GRK5: variants seen among roughly 807,000 people sequenced by gnomAD.
The protein encoded by GRK5 is g protein-coupled receptor kinase GRK5.
Under a neutral mutation model 78.4 loss-of-function variants are expected in GRK5, and 40 were observed. The ratio of observed to expected loss-of-function variants is 0.51; its 90% CI spans 0.40 to 0.66. The LOEUF (loss-of-function observed/expected upper bound fraction) is 0.66. Ranked by LOEUF, GRK5 falls within the 30% of genes least tolerant of loss-of-function variation. The pLI is 0.00. For synonymous variants in GRK5, 289 were observed against 296.8 expected (o/e 0.97, Z 0.27); for missense variants, 598 against 759.9 (o/e 0.79, Z 2.50).
At chr10:119,392,814 G>A (rs1357854284) in intron 3 of GRK5, among the ~76,000 whole-genome samples, 1 of 152,194 alleles carries the variant, frequency 6.6e-6, no homozygotes, top group East Asian at 1.9e-4. Flanking sequence ...TGGAGGTCAC[G>A]AGGGCACTCT....
At chr10:119,411,533 G>C (rs184201206) in intron 4 of GRK5, among the ~76,000 whole-genome samples, 301 of 152,290 alleles carry the variant, frequency 2.0e-3, no homozygotes, top group Non-Finnish European at 3.5e-3. Context: ...TTTCTTTGAG[G>C]GGGGACTGAA....
intron 11 of GRK5, 40 bp downstream of exon 11, chr10:119,442,128 C>A: frequency 2.6e-6 from 4 of 1,539,010 alleles, no homozygotes; most frequent in Non-Finnish European, 2.7e-6. Context: ...CCTTGAGACC[C>A]ACCACCTGCT....
rs1851236949 is a variant in GRK5, at chr10:119,354,483, C to T, written c.149-26332C>T. Among the ~76,000 whole-genome samples the T allele has an allele frequency of 2.0e-5, 3 of 149,186 alleles. No homozygotes were observed. The South Asian group carries it at 6.3e-4, about 32-fold the overall frequency. ...GTGGCGCAATCATGCCTCACTGCAG[C>T]CTCGACCTTCCAGGCTCAATTGACC... On this transcript the variant is annotated intron_variant, in intron 2 of 15. Transcript: ENST00000392870.
chr10:119,454,683 T>A (rs1853367800), intron 15 of GRK5, among the ~76,000 whole-genome samples: 1 of 152,164 alleles, frequency 6.6e-6, no homozygotes, highest in Non-Finnish European at 1.5e-5. Flanking sequence ...AGGGGAAGAC[T>A]GAGAATTCCA....
intron 3 of GRK5, among the ~76,000 whole-genome samples, chr10:119,389,750 G>GGA (rs1851856777): frequency 6.6e-6 from 1 of 152,036 alleles, no homozygotes; most frequent in Non-Finnish European, 1.5e-5. Context: ...ACTGTGGACT[G>GGA]CCATGTTTCC....
At chr10:119,427,617 CCAT>C (rs1180981853) in intron 6 of GRK5, among the ~76,000 whole-genome samples, 1 of 151,410 alleles carries the variant, frequency 6.6e-6, no homozygotes, top group African/African-American at 2.4e-5. Flanking sequence ...AGCATCACTG[CCAT>C]CATCAGCATC....
At chr10:119,331,265 G>A (rs536859609) in intron 2 of GRK5, among the ~76,000 whole-genome samples, 7 of 152,338 alleles carry the variant, frequency 4.6e-5, no homozygotes, top group Non-Finnish European at 8.8e-5. Context: ...CTGTTCTGCC[G>A]GAGGGTATTG....
At chr10:119,315,184 C>T (rs1467957668) in intron 1 of GRK5, among the ~76,000 whole-genome samples, 2 of 152,180 alleles carry the variant, frequency 1.3e-5, no homozygotes, top group African/African-American at 4.8e-5. Context: ...GGCCTGTCTC[C>T]CTTTCACAGT....
chr10:119,361,436 C>T (rs1269702959), intron 2 of GRK5, among the ~76,000 whole-genome samples: 1 of 152,230 alleles, frequency 6.6e-6, no homozygotes, highest in Non-Finnish European at 1.5e-5. Context: ...CTTCCGAGAA[C>T]CTGCCGCGTA....
intron 8 of GRK5, among the ~76,000 whole-genome samples, chr10:119,435,936 T>C (rs1372448079): frequency 5.9e-5 from 9 of 152,212 alleles, no homozygotes; most frequent in Admixed American, 3.9e-4. Flanking sequence ...AGGCACTTCT[T>C]ACATGGCGGT....
At chr10:119,251,260 G>C (rs1849194677) in intron 1 of GRK5, among the ~76,000 whole-genome samples, 1 of 152,208 alleles carries the variant, frequency 6.6e-6, no homozygotes, top group Non-Finnish European at 1.5e-5. Context: ...GGAACAAAGA[G>C]CCATGATTTC....
intron 1 of GRK5, among the ~76,000 whole-genome samples, chr10:119,288,396 G>T (rs1177145539): frequency 6.6e-6 from 1 of 152,218 alleles, no homozygotes; most frequent in Non-Finnish European, 1.5e-5. Context: ...TCTAGTGTCT[G>T]GTTCAGGGTC....
At chr10:119,317,751 C>T (rs933636192) in intron 1 of GRK5, among the ~76,000 whole-genome samples, 5 of 151,696 alleles carry the variant, frequency 3.3e-5, no homozygotes, top group Non-Finnish European at 7.4e-5. Flanking sequence ...CTTTTCCAAG[C>T]GTGTGTGTGT....
chr10:119,237,062 CTTTTT>C (rs11393484), intron 1 of GRK5, among the ~76,000 whole-genome samples: 1 of 119,150 alleles, frequency 8.4e-6, no homozygotes, highest in Admixed American at 9.9e-5. Context: ...TTTGCCTTAC[CTTTTT>C]TTTTTTTTTT....
At chr10:119,296,440 C>T (rs1850083098) in intron 1 of GRK5, among the ~76,000 whole-genome samples, 1 of 152,158 alleles carries the variant, frequency 6.6e-6, no homozygotes, top group African/African-American at 2.4e-5. Flanking sequence ...GGGAGAGGAA[C>T]CACTGGCTGG....
rs947418046 is a variant in GRK5, at chr10:119,452,614, G to A, written c.1405-57G>A. 33 of 1,606,632 alleles carry A rather than the reference G, an allele frequency of 2.1e-5. No homozygotes were observed. The highest frequency in any genetic ancestry group is 4.0e-5 in the African/African-American group (3 of 74,832). ...TCCCCAAAACCCCAAGGCCTGGCTC[G>A]GGGCCACTGGAGCCGCAGGCGGGAC... On this transcript the variant is annotated intron_variant, in intron 13 of 15. Coordinates refer to ENST00000392870, the MANE Select transcript of GRK5 (RefSeq NM_005308.3). This position sits in a 1 kb window ranked among gnomAD's most constrained non-coding sequence, Gnocchi z 4.4.
At position 119,277,195 on chromosome 10, in the gene GRK5, C is replaced by T. The variant is rs540858773; in HGVS notation, c.53-49321C>T. On this transcript the variant is annotated intron_variant, in intron 1 of 15. Coordinates refer to ENST00000392870, the MANE Select transcript of GRK5 (RefSeq NM_005308.3). ...CTGGGTGCTGCCGCACCTTGTGTGTCGGGTGCCGACACCTTGATCATTTCG... is the reference window on the plus strand; with the variant it reads ...CTGGGTGCTGCCGCACCTTGTGTGTTGGGTGCCGACACCTTGATCATTTCG... Among the ~76,000 whole-genome samples the T allele has an allele frequency of 1.6e-4, 24 of 152,190 alleles. No individual in the cohort carries two copies. The South Asian group carries it at 1.9e-3, about 12-fold the overall frequency.
intron 3 of GRK5, 28 bp downstream of exon 3, chr10:119,380,955 C>CT: frequency 7.7e-7 from 1 of 1,295,660 alleles, no homozygotes; most frequent in South Asian, 1.2e-5. Context: ...AGGGATGGTC[C>CT]TGTGGTCCTC....
intron 2 of GRK5, among the ~76,000 whole-genome samples, chr10:119,369,069 G>C (rs1412490807): frequency 3.3e-5 from 5 of 152,148 alleles, no homozygotes; most frequent in Non-Finnish European, 1.5e-5. Context: ...CACTGATCCA[G>C]GTGGTGGGGA....
Sources: gnomAD v4.1 joint callset for allele counts (sites outside exome capture counted in the v4.1 genomes callset) on GRCh38, gnomAD v4.1.1 for gene constraint, Gnocchi (gnomAD v3.1) non-coding constraint, MANE v1.5 for transcripts, NCBI Gene and HGNC (gene_info 2026-07-23, HGNC 2026-07-21) for gene names.